The following SRRM4 variants were observed in gnomAD, a reference collection of about 807,000 sequenced individuals.
SRRM4 encodes the protein serine/arginine repetitive matrix protein 4.
SRRM4 carries 33 observed loss-of-function variants against 68.9 expected under a neutral mutation model. That is an observed-to-expected ratio of 0.48 (90% confidence interval 0.36 to 0.64). The LOEUF (loss-of-function observed/expected upper bound fraction) is 0.64, where lower values mean the gene tolerates loss of function less well. Among genes scored for constraint, SRRM4 ranks in the 30% least tolerant of loss-of-function variants. The pLI is 0.00. For missense variants in SRRM4, 817 were observed against 827.1 expected, an observed-to-expected ratio of 0.99 and a Z score of 0.15; for synonymous variants, 318 against 318.8, an observed-to-expected ratio of 1.00 and a Z score of 0.03.
At chr12:119,110,797 G>A (rs1954138009) in intron 2 of SRRM4, among the ~76,000 whole-genome samples, 1 of 152,174 alleles carries the variant, frequency 6.6e-6, no homozygotes, top group Admixed American at 6.5e-5. Flanking sequence ...GCCCCGCCCT[G>A]CTTTGGCTCA....
At chr12:119,043,139 C>A (rs1953680408) in intron 1 of SRRM4, among the ~76,000 whole-genome samples, 1 of 152,070 alleles carries the variant, frequency 6.6e-6, no homozygotes, top group Non-Finnish European at 1.5e-5. Context: ...AGAATGAACC[C>A]AAATGCCCAT....
chr12:119,153,746 T>C, intron 11 of SRRM4, 97 bp downstream of exon 11: 1 of 848,046 alleles, frequency 1.2e-6, no homozygotes, highest in South Asian at 1.5e-5. Context: ...CGGGCCTTCT[T>C]CCTCTTAGGT....
chr12:119,068,603 T>G (rs1592885222), intron 1 of SRRM4, among the ~76,000 whole-genome samples: 1 of 151,684 alleles, frequency 6.6e-6, no homozygotes, highest in African/African-American at 2.4e-5. Flanking sequence ...GCTTGGGGAG[T>G]TTTAGATATT....
At chr12:119,047,047 A>G (rs2136014901) in intron 1 of SRRM4, among the ~76,000 whole-genome samples, 1 of 151,654 alleles carries the variant, frequency 6.6e-6, no homozygotes, top group East Asian at 1.9e-4. Context: ...AAAAAAAAAA[A>G]AAGTGTGGAC....
chr12:119,115,224 G>T (rs957188837), intron 3 of SRRM4, among the ~76,000 whole-genome samples: 4 of 152,094 alleles, frequency 2.6e-5, no homozygotes, highest in African/African-American at 9.7e-5. Flanking sequence ...GATAATAGGT[G>T]GGTGTTGGAG....
intron 8 of SRRM4, among the ~76,000 whole-genome samples, chr12:119,134,553 T>C (rs1954317060): frequency 6.6e-6 from 1 of 152,170 alleles, no homozygotes; most frequent in African/African-American, 2.4e-5. Flanking sequence ...AATATTCAAA[T>C]ACTTTCATGC....
chr12:118,996,038 G>T (rs1290979960), intron 1 of SRRM4, among the ~76,000 whole-genome samples: 1 of 151,842 alleles, frequency 6.6e-6, no homozygotes, highest in East Asian at 1.9e-4. Context: ...ATCCACCTTT[G>T]CATCTAACCA....
intron 1 of SRRM4, among the ~76,000 whole-genome samples, chr12:119,022,637 G>A (rs1040082182): frequency 2.0e-5 from 3 of 152,102 alleles, no homozygotes; most frequent in African/African-American, 7.2e-5. Flanking sequence ...ATTTGCAGAG[G>A]GATTGTGAAG....
chr12:119,023,205 T>C (rs2393466), intron 1 of SRRM4, among the ~76,000 whole-genome samples: 44,262 of 152,038 alleles, frequency 0.29, 6,647 homozygotes, highest in Admixed American at 0.31. Flanking sequence ...CCTTGCTCCC[T>C]TTGCAGAAGA....
At chr12:119,119,605 G>A (rs1246802419) in intron 4 of SRRM4, among the ~76,000 whole-genome samples, 1 of 152,102 alleles carries the variant, frequency 6.6e-6, no homozygotes, top group Admixed American at 6.5e-5. Context: ...CTGATCGTCA[G>A]TGTTTTTGTA....
chr12:119,147,701 G>A lies in SRRM4; in HGVS notation c.1076+2016G>A, dbSNP rs1954412947. Among the ~76,000 whole-genome samples the A allele has an allele frequency of 2.6e-5, 4 of 152,138 alleles. No individual in the cohort carries two copies. The South Asian group carries it at 8.3e-4, about 32-fold the overall frequency. On this transcript the variant is annotated intron_variant, in intron 9 of 12. Transcript: ENST00000267260. ...ATTTATCAACATATCAGAGAACATT[G>A]AGATTTCTCCATTTTTTTACCCATC...
intron 1 of SRRM4, among the ~76,000 whole-genome samples, chr12:119,054,455 G>C (rs1240152055): frequency 6.6e-6 from 1 of 152,166 alleles, no homozygotes; most frequent in Non-Finnish European, 1.5e-5. Context: ...CAAACAACTA[G>C]AAAGTGGAAA....
chr12:119,050,212 G>A (rs746255510), intron 1 of SRRM4, among the ~76,000 whole-genome samples: 1 of 152,198 alleles, frequency 6.6e-6, no homozygotes, highest in Non-Finnish European at 1.5e-5. Context: ...CAGGTACTGA[G>A]AAAGGACAGC....
chr12:119,123,494 C>T (rs1454383057), intron 6 of SRRM4, among the ~76,000 whole-genome samples: 2 of 96,666 alleles, frequency 2.1e-5, no homozygotes, highest in Non-Finnish European at 4.7e-5. Context: ...ACCTCAACAG[C>T]GCTAGGAAGG....
intron 7 of SRRM4, among the ~76,000 whole-genome samples, chr12:119,128,562 T>A (rs985905854): frequency 1.3e-5 from 2 of 152,212 alleles, no homozygotes; most frequent in African/African-American, 4.8e-5. Context: ...CCAGGTGGAC[T>A]CCTGGTGGCC....
At chr12:118,982,712 T>C (rs1490557184) in intron 1 of SRRM4, among the ~76,000 whole-genome samples, 1 of 148,722 alleles carries the variant, frequency 6.7e-6, no homozygotes, top group Non-Finnish European at 1.5e-5. Context: ...AGAATCTGAT[T>C]GCTTTGAACT....
chr12:119,099,930 T>C (rs1211498319), intron 1 of SRRM4, among the ~76,000 whole-genome samples: 2 of 152,208 alleles, frequency 1.3e-5, no homozygotes, highest in African/African-American at 4.8e-5. Flanking sequence ...TTCTACTACA[T>C]TCTTTTCATT....
At chr12:119,085,658 G>C (rs1026291719) in intron 1 of SRRM4, among the ~76,000 whole-genome samples, 2 of 152,216 alleles carry the variant, frequency 1.3e-5, no homozygotes, top group Non-Finnish European at 2.9e-5. Context: ...AGAATAACAT[G>C]ATCCAATCTG....
chr12:119,046,858 C>T (rs372827630), intron 1 of SRRM4, among the ~76,000 whole-genome samples: 17 of 151,630 alleles, frequency 1.1e-4, no homozygotes, highest in African/African-American at 3.9e-4. Context: ...GGTGAAACCC[C>T]GTCTCTACTA....
Sources: allele counts gnomAD v4.1 joint callset (sites outside exome capture counted in the v4.1 genomes callset), GRCh38; gene constraint gnomAD v4.1.1; transcripts MANE v1.5; gene names NCBI Gene and HGNC (gene_info 2026-07-23, HGNC 2026-07-21).